Variants in KPNA6 observed in about 807,000 individuals in gnomAD.
KPNA6 encodes karyopherin subunit alpha 6, also known as importin subunit alpha-7.
A neutral mutation model predicts 72.0 loss-of-function variants in KPNA6; 9 were observed. That is an observed-to-expected ratio of 0.13 (90% CI 0.08 to 0.22). The LOEUF (loss-of-function observed/expected upper bound fraction) is 0.22, where lower values mean the gene tolerates loss of function less well. KPNA6 is among the 10% of genes least tolerant of loss of function. The probability of loss-of-function intolerance (pLI) is 1.00; values close to 1 mark genes in which losing one functional copy is unlikely to be tolerated. For missense variants in KPNA6, 374 were observed against 655.7 expected (o/e 0.57, Z 4.69); for synonymous variants, 219 against 242.1 (o/e 0.90, Z 0.89).
chr1:32,164,998 A>G (rs1230281910), intron 10 of KPNA6, among the ~76,000 whole-genome samples: 2 of 152,084 alleles, frequency 1.3e-5, no homozygotes, highest in East Asian at 1.9e-4. Context: ...CCTGAGCTCA[A>G]AGCAGTCCTT....
rs1055856214 is a variant in KPNA6 at position 32,154,789 on chromosome 1, A to G, written c.138+68A>G. 26 of 1,550,264 alleles carry G rather than the reference A, an allele frequency of 1.7e-5. No individual in the cohort carries two copies. The Middle Eastern group carries it at 1.8e-3, about 106-fold the overall frequency. ...CAAGCCCCTATGGTTGGCCTCCACCATGCACCCTGACTTGCCCTGTAGAAA... is the reference window on the plus strand; with the variant it reads ...CAAGCCCCTATGGTTGGCCTCCACCGTGCACCCTGACTTGCCCTGTAGAAA... On this transcript the variant is annotated intron_variant, in intron 2 of 13. Transcript: ENST00000373625.
intron 9 of KPNA6, among the ~76,000 whole-genome samples, chr1:32,162,784 G>A (rs560732098): frequency 4.6e-5 from 7 of 151,948 alleles, no homozygotes; most frequent in East Asian, 3.9e-4. Context: ...GCAGTGAGCC[G>A]AGATCGTGCC....
At chr1:32,154,431 G>A (rs140972827) in intron 1 of KPNA6, among the ~76,000 whole-genome samples, 157 bp from the exon 2 acceptor site, 1 of 151,890 alleles carries the variant, frequency 6.6e-6, no homozygotes, top group Admixed American at 6.6e-5. Flanking sequence ...ACTGGGGCTG[G>A]GGGGTGGGTA....
intron 12 of KPNA6, among the ~76,000 whole-genome samples, chr1:32,167,553 A>G (rs867399977): frequency 5.9e-5 from 9 of 152,108 alleles, no homozygotes; most frequent in South Asian, 2.1e-4. Flanking sequence ...GAAGAGAAAC[A>G]TGACATGGAC....
chr1:32,160,224 C>T (rs1243585248), intron 6 of KPNA6, among the ~76,000 whole-genome samples: 3 of 147,316 alleles, frequency 2.0e-5, no homozygotes, highest in Admixed American at 7.1e-5. Context: ...CACTTGAACC[C>T]GGGAGGTGGA....
chr1:32,119,032 A>ATATATATATTTT (rs1167325052), intron 1 of KPNA6, among the ~76,000 whole-genome samples: 5 of 40,278 alleles, frequency 1.2e-4, no homozygotes, highest in Non-Finnish European at 2.0e-4. Flanking sequence ...ATATATATAT[A>ATATATATATTTT]TTTTTTTTTT....
chr1:32,128,412 T>TATATATAC (rs1641576705), intron 1 of KPNA6, among the ~76,000 whole-genome samples: 1 of 130,986 alleles, frequency 7.6e-6, no homozygotes, highest in Admixed American at 7.6e-5. Flanking sequence ...TATATATATA[T>TATATATAC]ATATATATAT....
chr1:32,128,392 TATATATATA>T (rs1641574087), intron 1 of KPNA6, among the ~76,000 whole-genome samples: 1 of 50,218 alleles, frequency 2.0e-5, no homozygotes, highest in African/African-American at 1.0e-4. Flanking sequence ...TGTATTTATA[TATATATATA>T]TATATATATA....
intron 1 of KPNA6, among the ~76,000 whole-genome samples, chr1:32,141,255 G>A (rs1160350322): frequency 6.7e-6 from 1 of 150,124 alleles, no homozygotes; most frequent in Non-Finnish European, 1.5e-5. Context: ...ATCTCAAAAT[G>A]TTAAACATAC....
At chr1:32,137,777 T>C (rs773173005) in intron 1 of KPNA6, among the ~76,000 whole-genome samples, 3 of 152,096 alleles carry the variant, frequency 2.0e-5, no homozygotes, top group Non-Finnish European at 2.9e-5. Flanking sequence ...TTTCCTGAAT[T>C]GGGGAGGAGA....
In KPNA6 at chr1:32,161,844, G is replaced by A. The variant is rs1266311832; in HGVS notation, c.648-103G>A. 3.8e-5 allele frequency: 31 copies of A among 814,634 alleles called. No homozygotes were observed. The South Asian group carries it at 3.9e-4, about 10-fold the overall frequency. The allele number at this position is 814,634 out of a possible 1,614,324, so 50.5% of individuals were successfully genotyped here. ...GTCTGTGAGTAGGAAGAAACAGGCTGCTAGAGTCTGAGAGGTCTCATTGGA... is the reference window on the plus strand; with the variant it reads ...GTCTGTGAGTAGGAAGAAACAGGCTACTAGAGTCTGAGAGGTCTCATTGGA... On this transcript the variant is annotated intron_variant, in intron 7 of 13. Coordinates refer to ENST00000373625, the MANE Select transcript of KPNA6 (RefSeq NM_012316.5).
rs150602159 is a variant in KPNA6, at chr1:32,162,492, C to G, written c.879C>G (p.Ser293=). ...AGAAGATCCAGGCAGTCATAGACTC[C>G]GGAGTCTGCCGGAGATTGGTAGAGC... ...PNEKIQAVID[S]GVCRRLVELL... The change falls in exon 9 of 14, where the codon TCC becomes TCG. Residue 293 remains serine (S), a synonymous_variant. Coordinates refer to ENST00000373625, the MANE Select transcript of KPNA6 (RefSeq NM_012316.5). 1,677 of 1,613,988 alleles carry G rather than the reference C, an allele frequency of 1.0e-3. 1 individual carries two copies. Among genetic ancestry groups the G allele is most frequent in the Non-Finnish European group, 1.3e-3 (1,572 of 1,180,014 alleles).
At chr1:32,136,181 C>CTTTTTTTTTTTTTTTTTTTTTT (rs759447035) in intron 1 of KPNA6, among the ~76,000 whole-genome samples, 6 of 139,310 alleles carry the variant, frequency 4.3e-5, no homozygotes, top group African/African-American at 1.1e-4. Context: ...TAGCTTCTCT[C>CTTTTTTTTTTTTTTTTTTTTTT]TTTTTTTTTT....
At chr1:32,128,594 T>A (rs946747691) in intron 1 of KPNA6, among the ~76,000 whole-genome samples, 2 of 151,724 alleles carry the variant, frequency 1.3e-5, no homozygotes, top group African/African-American at 4.8e-5. Flanking sequence ...TTCAGCCCAG[T>A]TCAGTGAAGA....
At chr1:32,144,504 T>A (rs1042694406) in intron 1 of KPNA6, among the ~76,000 whole-genome samples, 3 of 152,220 alleles carry the variant, frequency 2.0e-5, no homozygotes, top group African/African-American at 4.8e-5. Flanking sequence ...TTAATTTTTT[T>A]AGGAACTACT....
At chr1:32,116,488 G>A (rs990558251) in intron 1 of KPNA6, among the ~76,000 whole-genome samples, 2 of 151,992 alleles carry the variant, frequency 1.3e-5, no homozygotes, top group African/African-American at 4.8e-5. Context: ...GAGAAACCCT[G>A]TCTCTACTAA....
At chr1:32,128,265 A>G (rs1197233448) in intron 1 of KPNA6, among the ~76,000 whole-genome samples, 1 of 151,016 alleles carries the variant, frequency 6.6e-6, no homozygotes, top group East Asian at 1.9e-4. Flanking sequence ...AGATCTGAGC[A>G]TTGTGTTTAC....
In KPNA6 at chr1:32,119,838, G is replaced by A. The variant is rs576600574; in HGVS notation, c.4+11704G>A. 1.6e-3 allele frequency among the ~76,000 whole-genome samples: 244 copies of A among 151,334 alleles called. 1 individual carries two copies. Among genetic ancestry groups the A allele is most frequent in the Middle Eastern group, 3.4e-3 (1 of 294 alleles). ...CAGCTCACTATAACCTCCGCCTCCC[G>A]GGTTCAAGCAATTCTCCTGCCTCAG... On this transcript the variant is annotated intron_variant, in intron 1 of 13. Transcript: ENST00000373625.
intron 1 of KPNA6, among the ~76,000 whole-genome samples, chr1:32,131,512 T>C (rs1641635105): frequency 6.6e-6 from 1 of 151,518 alleles, no homozygotes. Flanking sequence ...AAAAAAAGAT[T>C]TAAAAATTTA....
Sources: allele counts gnomAD v4.1 joint callset (sites outside exome capture counted in the v4.1 genomes callset), GRCh38; gene constraint gnomAD v4.1.1; transcripts MANE v1.5; gene names NCBI Gene and HGNC (gene_info 2026-07-23, HGNC 2026-07-21).